UNC80: variants seen among roughly 807,000 people sequenced by gnomAD.
The protein encoded by UNC80 is unc-80 subunit of NALCN channel complex, also known as protein unc-80 homolog.
A neutral mutation model predicts 384.6 loss-of-function variants in UNC80; 164 were observed. The ratio of observed to expected loss-of-function variants is 0.43; its 90% CI spans 0.38 to 0.49. UNC80 has a LOEUF of 0.49. Ranked by LOEUF, UNC80 falls within the 20% of genes least tolerant of loss-of-function variation. The probability of loss-of-function intolerance (pLI) is 0.00; values close to 1 mark genes in which losing one functional copy is unlikely to be tolerated. For missense variants in UNC80, 3,330 were observed against 4,143.0 expected, an observed-to-expected ratio of 0.80 and a Z score of 5.39; for synonymous variants, 1,486 against 1,527.8, an observed-to-expected ratio of 0.97 and a Z score of 0.64.
chr2:209,777,545 GT>G lies in UNC80; in HGVS notation c.587del (p.Val196AspfsTer38). On this transcript the variant is annotated frameshift_variant, in exon 4 of 65. Coordinates refer to ENST00000673920, the MANE Select transcript of UNC80 (RefSeq NM_001371986.1). LOFTEE classifies it high-confidence loss of function. ...CTTCGTGTTTCTGTTTGCTCCCCTG[GT>G]ACACAGGATCAAGGTAAGCAGAAAC... The part of the protein sequence containing the change: ...ELFVFLFAPL[V>X]HRIKESDLTF... The G allele has an allele frequency of 6.2e-7, 1 of 1,610,158 alleles. No homozygotes were observed. The highest frequency in any genetic ancestry group is 8.5e-7 in the Non-Finnish European group (1 of 1,177,824).
At chr2:209,816,347 G>C (rs113278968) in intron 9 of UNC80, among the ~76,000 whole-genome samples, 2 of 152,214 alleles carry the variant, frequency 1.3e-5, no homozygotes, top group African/African-American at 4.8e-5. Context: ...TGGTAGGAAT[G>C]ATGGGTTTGT....
At chr2:209,788,069 A>G (rs925140543) in intron 5 of UNC80, among the ~76,000 whole-genome samples, 1 of 152,176 alleles carries the variant, frequency 6.6e-6, no homozygotes, top group Non-Finnish European at 1.5e-5. Context: ...GTTTTTAACC[A>G]AAAATAGGAA....
chr2:209,919,885 G>A (rs1395773266), intron 33 of UNC80, among the ~76,000 whole-genome samples: 63 of 152,196 alleles, frequency 4.1e-4, no homozygotes, highest in Admixed American at 4.1e-3. Context: ...CAAGCTCACT[G>A]TGGATTTGAA....
At chr2:209,855,081 G>T (rs2082800559) in intron 22 of UNC80, among the ~76,000 whole-genome samples, 1 of 152,196 alleles carries the variant, frequency 6.6e-6, no homozygotes, top group Non-Finnish European at 1.5e-5. Context: ...TAAAGAAAAT[G>T]TGGTACACAT....
chr2:209,857,370 AGTTT>A (rs1178068900), intron 22 of UNC80, among the ~76,000 whole-genome samples: 1 of 152,212 alleles, frequency 6.6e-6, no homozygotes, highest in Non-Finnish European at 1.5e-5. Flanking sequence ...TTTTTTCAGT[AGTTT>A]ATCAATGTAA....
At chr2:209,925,305 G>A (rs1054539366) in intron 35 of UNC80, among the ~76,000 whole-genome samples, 5 of 152,142 alleles carry the variant, frequency 3.3e-5, no homozygotes, top group African/African-American at 1.2e-4. Flanking sequence ...CTACTACGAA[G>A]CTGTGTCCAG....
chr2:209,896,765 C>A (rs186948931), intron 28 of UNC80, among the ~76,000 whole-genome samples: 1 of 152,106 alleles, frequency 6.6e-6, no homozygotes, highest in Non-Finnish European at 1.5e-5. Context: ...TTTGAGAGCA[C>A]GGTCATGGTG....
In UNC80 at chr2:209,777,198, A is replaced by C. The variant is rs1335488927; in HGVS notation, c.299-60A>C. On this transcript the variant is annotated intron_variant, in intron 3 of 64. Transcript: ENST00000673920. ...GATATTCTTCCCAGACCCATTGTTGACATCTATTGCCCTGGTCACAGAGTT... is the reference window on the plus strand; with the variant it reads ...GATATTCTTCCCAGACCCATTGTTGCCATCTATTGCCCTGGTCACAGAGTT... The C allele has an allele frequency of 8.1e-6, 12 of 1,486,732 alleles. No individual in the cohort carries two copies. In the East Asian group the frequency reaches 2.7e-4, roughly 34 times the overall value. 92.1% of individuals were successfully genotyped at this position (1,486,732 alleles called of 1,614,324 possible).
intron 23 of UNC80, among the ~76,000 whole-genome samples, chr2:209,877,752 G>A (rs571763235): frequency 2.8e-4 from 42 of 152,280 alleles, no homozygotes; most frequent in Admixed American, 2.4e-3. Flanking sequence ...TCTTTAGACT[G>A]AATGACCTTG....
intron 7 of UNC80, among the ~76,000 whole-genome samples, chr2:209,811,660 A>T (rs1471064696): frequency 6.6e-6 from 1 of 152,220 alleles, no homozygotes; most frequent in Non-Finnish European, 1.5e-5. Context: ...GCTTCTTTTC[A>T]TATGACTGCC....
In UNC80 at chr2:209,839,624, A is replaced by G. The variant is rs2081593995; in HGVS notation, c.3250+194A>G. On this transcript the variant is annotated intron_variant, in intron 19 of 64. Coordinates refer to ENST00000673920, the MANE Select transcript of UNC80 (RefSeq NM_001371986.1). This position sits in a 1 kb window ranked among gnomAD's most constrained non-coding sequence, Gnocchi z 4.1. ...CTACTATGTGCCTCTTCTGTGTGCA[A>G]TCACTACACTAGCCATCAAGGATTA... Among the ~76,000 whole-genome samples, 1 of 152,056 alleles carries G rather than the reference A, an allele frequency of 6.6e-6. No individual in the cohort carries two copies. Among genetic ancestry groups the G allele is most frequent in the Non-Finnish European group, 1.5e-5 (1 of 68,006 alleles).
chr2:209,818,881 T>C, intron 11 of UNC80, 112 bp from the exon 12 acceptor site: 1 of 1,284,958 alleles, frequency 7.8e-7, no homozygotes, highest in Non-Finnish European at 1.1e-6. Flanking sequence ...AGTTAAATAT[T>C]TTCAAAAACT....
chr2:209,779,593 T>C (rs2077045166), intron 4 of UNC80, among the ~76,000 whole-genome samples: 1 of 152,212 alleles, frequency 6.6e-6, no homozygotes, highest in Non-Finnish European at 1.5e-5. Context: ...GGAGTCTGCC[T>C]GTCCTGGTGA....
chr2:209,959,416 G>A, intron 50 of UNC80, 73 bp from the exon 51 acceptor site: 2 of 1,414,960 alleles, frequency 1.4e-6, no homozygotes, highest in Non-Finnish European at 1.9e-6. Flanking sequence ...TTTCTTCAGT[G>A]TGATACCCTC....
At chr2:209,848,534 T>G (rs2082312509) in intron 21 of UNC80, among the ~76,000 whole-genome samples, 1 of 152,108 alleles carries the variant, frequency 6.6e-6, no homozygotes, top group African/African-American at 2.4e-5. Context: ...CAAAAATAAT[T>G]TAGAAATGGC....
At chr2:209,952,634 A>G (rs900330125) in intron 47 of UNC80, among the ~76,000 whole-genome samples, 1 of 152,170 alleles carries the variant, frequency 6.6e-6, no homozygotes, top group Non-Finnish European at 1.5e-5. Flanking sequence ...GTGCTGCACA[A>G]TGGCTGGATG....
At chr2:209,808,661 G>A (rs2079081987) in intron 7 of UNC80, 1 of 162,726 alleles carries the variant, frequency 6.1e-6, no homozygotes, top group Non-Finnish European at 1.3e-5. Context: ...AAGAGGCGTG[G>A]CCGGAAAGGT....
At chr2:209,956,404 C>G (rs149790940) in intron 48 of UNC80, among the ~76,000 whole-genome samples, 5 of 17,496 alleles carry the variant, frequency 2.9e-4, no homozygotes, top group African/African-American at 1.1e-3. Context: ...CAAGCTCATT[C>G]AATTTTTTGG....
At chr2:209,993,503 C>G (rs1016331690) in intron 63 of UNC80, 77 bp downstream of exon 63, 1 of 1,266,020 alleles carries the variant, frequency 7.9e-7, no homozygotes, top group Non-Finnish European at 1.1e-6. Context: ...CTTACAAAAA[C>G]CAAGCTGATG....
Sources: gnomAD v4.1 joint callset for allele counts (sites outside exome capture counted in the v4.1 genomes callset) on GRCh38, gnomAD v4.1.1 for gene constraint, Gnocchi (gnomAD v3.1) non-coding constraint, MANE v1.5 for transcripts, NCBI Gene and HGNC (gene_info 2026-07-23, HGNC 2026-07-21) for gene names.